Variants in TEX48 observed in about 807,000 individuals in gnomAD.
TEX48 encodes the protein testis-expressed protein 48.
A neutral mutation model predicts 13.2 loss-of-function variants in TEX48; 10 were observed. That is an observed-to-expected ratio of 0.75 (90% CI 0.47 to 1.28). The LOEUF (loss-of-function observed/expected upper bound fraction) is 1.28. TEX48 is among the 50% of genes most tolerant of loss of function. The pLI is 0.00. For synonymous variants in TEX48, 45 were observed against 52.3 expected (o/e 0.86, Z 0.60); for missense variants, 116 against 139.4 (o/e 0.83, Z 0.84).
At chr9:114,680,724 A>G (rs1828179868) in intron 1 of TEX48, among the ~76,000 whole-genome samples, 1 of 152,216 alleles carries the variant, frequency 6.6e-6, no homozygotes, top group Non-Finnish European at 1.5e-5. Context: ...AGAAGCTCCC[A>G]CATTCCTAGG....
At position 114,671,815 on chromosome 9, in the gene TEX48, G is replaced by C. The variant is rs1827954049; in HGVS notation, c.-92C>G. ...CTTGAGTTTGAGCCCAGTTCACTGG[G>C]CTGGGCTGTTTCCTAAGTAAACATA... On this transcript the variant is annotated 5_prime_UTR_variant, in exon 2 of 5. Coordinates refer to ENST00000436752, the MANE Select transcript of TEX48 (RefSeq NM_001199233.2). 7.1e-7 allele frequency: 1 copy of C among 1,407,848 alleles called. No individual in the cohort carries two copies. Among genetic ancestry groups the C allele is most frequent in the Non-Finnish European group, 9.7e-7 (1 of 1,031,238 alleles). The allele number at this position is 1,407,848 out of a possible 1,614,324, so 87.2% of individuals were successfully genotyped here.
chr9:114,671,815 G>T lies in TEX48; in HGVS notation c.-92C>A. 1 of 1,407,966 alleles carries T rather than the reference G, an allele frequency of 7.1e-7. No individual in the cohort carries two copies. Among genetic ancestry groups the T allele is most frequent in the Non-Finnish European group, 9.7e-7 (1 of 1,031,230 alleles). 87.2% of individuals were successfully genotyped at this position (1,407,966 alleles called of 1,614,324 possible). ...CTTGAGTTTGAGCCCAGTTCACTGG[G>T]CTGGGCTGTTTCCTAAGTAAACATA... On this transcript the variant is annotated 5_prime_UTR_variant, in exon 2 of 5. Coordinates refer to ENST00000436752, the MANE Select transcript of TEX48 (RefSeq NM_001199233.2).
intron 1 of TEX48, among the ~76,000 whole-genome samples, chr9:114,680,214 G>A (rs780403974): frequency 2.9e-5 from 4 of 135,786 alleles, no homozygotes; most frequent in South Asian, 2.6e-4. Context: ...TGCAACCTCC[G>A]CCTCCTGGGT....
intron 2 of TEX48, 34 bp from the exon 3 acceptor site, chr9:114,671,539 C>T (rs914177692): frequency 6.5e-7 from 1 of 1,534,180 alleles, no homozygotes; most frequent in African/African-American, 1.4e-5. Context: ...GGCATGGGTT[C>T]CGGAATCTGA....
intron 1 of TEX48, among the ~76,000 whole-genome samples, chr9:114,673,489 A>AAAG (rs1827988966): frequency 6.6e-6 from 1 of 150,964 alleles, no homozygotes; most frequent in African/African-American, 2.4e-5. Context: ...AAAAAAGAAA[A>AAAG]GAAAAGAAAA....
At chr9:114,671,351 G>C (rs950574721) in intron 3 of TEX48, 32 bp downstream of exon 3, 20 of 1,533,462 alleles carry the variant, frequency 1.3e-5, no homozygotes, top group Non-Finnish European at 1.7e-5. Context: ...GGTTTAGAGA[G>C]GCCATGCAGA....
Position 114,668,422 on chromosome 9 carries a change from G to A in TEX48, c.128-85C>T, listed in dbSNP as rs961269408. 2.3e-5 allele frequency: 29 copies of A among 1,246,264 alleles called. No homozygotes were observed. The Admixed American group carries it at 4.0e-4, about 17-fold the overall frequency. The allele number at this position is 1,246,264 out of a possible 1,614,324, so 77.2% of individuals were successfully genotyped here. On this transcript the variant is annotated intron_variant, in intron 3 of 4. Transcript: ENST00000436752. ...AAGATGTTTTGCAAGCTCTGAAGCA[G>A]CGCACACAGGCAAGTGGGGGTTATT...
intron 3 of TEX48, among the ~76,000 whole-genome samples, chr9:114,669,943 C>T (rs1318151445): frequency 6.6e-6 from 1 of 152,170 alleles, no homozygotes; most frequent in East Asian, 1.9e-4. Flanking sequence ...TTATACACTT[C>T]TAGGTTTCTA....
chr9:114,677,430 A>G (rs1589380087), intron 1 of TEX48, among the ~76,000 whole-genome samples: 1 of 152,170 alleles, frequency 6.6e-6, no homozygotes, highest in Non-Finnish European at 1.5e-5. Flanking sequence ...GAGATACACC[A>G]TTTAGCAAAT....
At chr9:114,681,780 A>G (rs1315094321) in intron 1 of TEX48, among the ~76,000 whole-genome samples, 1 of 144,992 alleles carries the variant, frequency 6.9e-6, no homozygotes, top group African/African-American at 2.5e-5. Context: ...TTGCACTTTG[A>G]TCAGAAGAAA....
chr9:114,670,920 G>T (rs1827934666), intron 3 of TEX48, among the ~76,000 whole-genome samples: 1 of 152,134 alleles, frequency 6.6e-6, no homozygotes, highest in Non-Finnish European at 1.5e-5. Context: ...TAGAGGCAAG[G>T]ACAGTGAGAC....
chr9:114,669,722 T>G lies in TEX48; in HGVS notation c.128-1385A>C, dbSNP rs148067884. The stretch of plus-strand genomic sequence containing the variant: ...TCCCAAAGTGCTGGGATTAAAGACA[T>G]GAACCACCATGCCCAGTCTGGCTAA... On this transcript the variant is annotated intron_variant, in intron 3 of 4. Transcript: ENST00000436752. 9.2e-3 allele frequency among the ~76,000 whole-genome samples: 1,403 copies of G among 152,132 alleles called. 22 individuals carry two copies. Among genetic ancestry groups the G allele is most frequent in the African/African-American group, 0.031 (1,304 of 41,502 alleles).
At chr9:114,671,612 G>A (rs1827949192) in intron 2 of TEX48, 107 bp from the exon 3 acceptor site, 1 of 1,524,442 alleles carries the variant, frequency 6.6e-7, no homozygotes, top group Non-Finnish European at 8.8e-7. Context: ...CTCTCCCAAG[G>A]CATTAATATA....
chr9:114,667,902 T>A (rs1458058892), intron 4 of TEX48, among the ~76,000 whole-genome samples: 3 of 26,800 alleles, frequency 1.1e-4, no homozygotes, highest in African/African-American at 8.0e-4. Flanking sequence ...GGAGACTCCA[T>A]CTCAAAAAAA....
In TEX48 at chr9:114,668,343, A is replaced by G. The variant is rs1486569226; in HGVS notation, c.128-6T>C. On this transcript the variant is annotated splice_polypyrimidine_tract_variant and splice_region_variant and intron_variant, in intron 3 of 4. Coordinates refer to ENST00000436752, the MANE Select transcript of TEX48 (RefSeq NM_001199233.2). ...ATCCTTCTGAAGCAGCAAATCTGGC[A>G]ATGAGAATTCCACAGGGTCACGTGG... 1.8e-5 allele frequency: 27 copies of G among 1,535,568 alleles called. No individual in the cohort carries two copies. Among genetic ancestry groups the G allele is most frequent in the Non-Finnish European group, 2.2e-5 (25 of 1,146,832 alleles).
chr9:114,667,555 A>G (rs1031260010), intron 4 of TEX48, among the ~76,000 whole-genome samples: 4 of 152,212 alleles, frequency 2.6e-5, no homozygotes, highest in African/African-American at 9.7e-5. Context: ...CCTGGCACTT[A>G]CTGTCTAGTG....
chr9:114,681,302 C>A lies in TEX48; in HGVS notation c.-105+733G>T, dbSNP rs147310284. 5.4e-3 allele frequency among the ~76,000 whole-genome samples: 826 copies of A among 152,238 alleles called. 9 individuals carry two copies. Among genetic ancestry groups the A allele is most frequent in the African/African-American group, 0.019 (793 of 41,532 alleles). The stretch of plus-strand genomic sequence containing the variant: ...TTTTGCAAGAAAGAGGGTAGTAGAA[C>A]CACTTTCTCCTCTAAGTGTTGACAG... On this transcript the variant is annotated intron_variant, in intron 1 of 4. Transcript: ENST00000436752.
chr9:114,679,190 G>GA (rs1387977537), intron 1 of TEX48, among the ~76,000 whole-genome samples: 1 of 151,632 alleles, frequency 6.6e-6, no homozygotes, highest in African/African-American at 2.4e-5. Flanking sequence ...AGAGGATTTA[G>GA]AAAAAATCAA....
At chr9:114,671,578 T>A in intron 2 of TEX48, 73 bp from the exon 3 acceptor site, 2 of 1,529,772 alleles carry the variant, frequency 1.3e-6, no homozygotes, top group South Asian at 2.4e-5. Flanking sequence ...AAATTGACTG[T>A]GGTGGGGGTA....
Sources: allele counts gnomAD v4.1 joint callset (sites outside exome capture counted in the v4.1 genomes callset), GRCh38; gene constraint gnomAD v4.1.1; transcripts MANE v1.5; gene names NCBI Gene and HGNC (gene_info 2026-07-23, HGNC 2026-07-21).